Variants in RBFOX1 observed in about 807,000 individuals in gnomAD.
RBFOX1 encodes the protein RNA binding protein fox-1 homolog 1.
A neutral mutation model predicts 57.7 loss-of-function variants in RBFOX1; 8 were observed. The observed-to-expected ratio is 0.14, with a 90% confidence interval of 0.08 to 0.25. RBFOX1 has a LOEUF of 0.25. Ranked by LOEUF, RBFOX1 falls within the 10% of genes least tolerant of loss-of-function variation. The pLI, the probability that RBFOX1 is intolerant of heterozygous loss-of-function variation, is 1.00. For missense variants in RBFOX1, 611 were observed against 548.5 expected, an observed-to-expected ratio of 1.11 and a Z score of -1.14; for synonymous variants, 326 against 222.4, an observed-to-expected ratio of 1.47 and a Z score of -4.15.
rs1372740838 is a variant in RBFOX1, at chr16:6,210,298, C to T, written c.-126-106697C>T. Among the ~76,000 whole-genome samples the T allele has an allele frequency of 3.0e-5, 3 of 100,654 alleles. No homozygotes were observed. In the Admixed American group the frequency reaches 4.6e-4, roughly 15 times the overall value. The allele number at this position is 100,654 out of a possible 152,430, so 66.0% of individuals were successfully genotyped here. ...ACGCATTGCATTCCGGCCTGGGTGA[C>T]AAGAGTGCAATTCTGTCTGAAAAAA... On this transcript the variant is annotated intron_variant, in intron 1 of 15. Transcript: ENST00000550418.
chr16:5,397,386 G>A (rs2066589627), intron 1 of RBFOX1, among the ~76,000 whole-genome samples: 1 of 152,164 alleles, frequency 6.6e-6, no homozygotes, highest in South Asian at 2.1e-4. Context: ...AACAGGATCA[G>A]GCAGCCACCT....
rs116960811 is a variant in RBFOX1, at chr16:6,065,529, A to G, written c.-127+45537A>G. ...CAGTCCTCTGTCTGTTTCATTCCTA[A>G]TTAATTACTTTGACATGCCCGTAAC... On this transcript the variant is annotated intron_variant, in intron 1 of 15. Transcript: ENST00000550418. Among the ~76,000 whole-genome samples, 185 of 152,240 alleles carry G rather than the reference A, an allele frequency of 1.2e-3. 3 individuals are homozygous for G. In the East Asian group the frequency reaches 0.031, roughly 26 times the overall value.
intron 4 of RBFOX1, among the ~76,000 whole-genome samples, chr16:7,468,699 GGTT>G (rs1254456715): frequency 6.6e-6 from 1 of 152,118 alleles, no homozygotes; most frequent in Non-Finnish European, 1.5e-5. Flanking sequence ...TCTGAAGATA[GGTT>G]GTTTAAACTG....
chr16:7,275,963 T>A (rs1407563099), intron 4 of RBFOX1, among the ~76,000 whole-genome samples: 1 of 152,178 alleles, frequency 6.6e-6, no homozygotes, highest in Non-Finnish European at 1.5e-5. Context: ...CACCACGAAG[T>A]GTGTCATCAT....
At chr16:7,537,711 T>C (rs2081869930) in intron 5 of RBFOX1, among the ~76,000 whole-genome samples, 1 of 152,158 alleles carries the variant, frequency 6.6e-6, no homozygotes, top group Non-Finnish European at 1.5e-5. Context: ...CCCTTATGCT[T>C]GGGTCCATCT....
rs1373195665 is a variant in RBFOX1, at chr16:6,077,225, C to T, written c.-127+57233C>T. Among the ~76,000 whole-genome samples the T allele has an allele frequency of 5.9e-5, 9 of 152,260 alleles. No individual in the cohort carries two copies. The East Asian group carries it at 1.2e-3, about 20-fold the overall frequency. ...AGCCCCTGCCACGGTTCTCTGCTGA[C>T]ATTTCAGAGATGGGCAGACACCATG... On this transcript the variant is annotated intron_variant, in intron 1 of 15. Transcript: ENST00000550418.
intron 1 of RBFOX1, among the ~76,000 whole-genome samples, chr16:5,339,447 A>G (rs904687662): frequency 2.2e-5 from 3 of 135,382 alleles, no homozygotes; most frequent in African/African-American, 8.0e-5. Context: ...ATTTTGCCAA[A>G]AGCTAGAAGC....
intron 2 of RBFOX1, among the ~76,000 whole-genome samples, chr16:6,488,247 C>G (rs554667667): frequency 3.3e-5 from 5 of 152,148 alleles, no homozygotes; most frequent in Non-Finnish European, 7.4e-5. Context: ...TAGTTGTAGT[C>G]TCTAGTTGTG....
intron 4 of RBFOX1, among the ~76,000 whole-genome samples, chr16:7,245,911 C>T (rs2094278239): frequency 1.3e-5 from 2 of 152,102 alleles, no homozygotes; most frequent in Admixed American, 6.5e-5. Context: ...TTCAATTCTC[C>T]CAGCCCATAG....
chr16:6,882,709 T>C (rs1263032593), intron 3 of RBFOX1, among the ~76,000 whole-genome samples: 1 of 152,094 alleles, frequency 6.6e-6, no homozygotes, highest in African/African-American at 2.4e-5. Context: ...GTTTGGGATA[T>C]TTGGAGTCTG....
chr16:7,419,613 T>A (rs1178423300), intron 4 of RBFOX1, among the ~76,000 whole-genome samples: 1 of 152,236 alleles, frequency 6.6e-6, no homozygotes. Context: ...CAGGGCCCCC[T>A]GCCCTTTCCC....
chr16:6,642,595 C>T (rs929600), intron 2 of RBFOX1, among the ~76,000 whole-genome samples: 84,661 of 151,156 alleles, frequency 0.56, 25,014 homozygotes, highest in South Asian at 0.81. Context: ...TAACCACACT[C>T]CAAAAAAAAA....
At chr16:5,528,441 A>G (rs1441449364) in intron 2 of RBFOX1, among the ~76,000 whole-genome samples, 2 of 152,162 alleles carry the variant, frequency 1.3e-5, no homozygotes, top group African/African-American at 4.8e-5. Context: ...ATCTGAGCAC[A>G]GAGCAGACCA....
intron 1 of RBFOX1, among the ~76,000 whole-genome samples, chr16:5,439,526 C>G (rs547302473): frequency 6.6e-6 from 1 of 152,048 alleles, no homozygotes; most frequent in South Asian, 2.1e-4. Context: ...TGATAGGTAT[C>G]TCGTAGGTAG....
chr16:7,060,763 G>A (rs1047007617), intron 4 of RBFOX1, among the ~76,000 whole-genome samples: 3 of 152,130 alleles, frequency 2.0e-5, no homozygotes, highest in African/African-American at 7.2e-5. Context: ...GCAAATTGTT[G>A]TTCGGCTGTT....
chr16:6,526,316 C>G (rs1284989583), intron 2 of RBFOX1, among the ~76,000 whole-genome samples: 1 of 152,144 alleles, frequency 6.6e-6, no homozygotes, highest in Non-Finnish European at 1.5e-5. Flanking sequence ...TTGTCTTTTG[C>G]TACATGGGAG....
intron 1 of RBFOX1, among the ~76,000 whole-genome samples, chr16:5,376,456 G>C (rs2065986002): frequency 6.6e-6 from 1 of 152,130 alleles, no homozygotes; most frequent in South Asian, 2.1e-4. Context: ...TGGGGACCCT[G>C]CTCACTAAGG....
intron 2 of RBFOX1, among the ~76,000 whole-genome samples, chr16:6,463,315 A>T (rs1322055542): frequency 6.6e-6 from 1 of 152,208 alleles, no homozygotes; most frequent in Non-Finnish European, 1.5e-5. Context: ...ACTCACACAG[A>T]TCACAATTTC....
intron 1 of RBFOX1, among the ~76,000 whole-genome samples, chr16:5,393,787 G>T (rs932714219): frequency 1.3e-5 from 2 of 152,104 alleles, no homozygotes; most frequent in Non-Finnish European, 2.9e-5. Context: ...GTTATTCACA[G>T]TGCTGTCCAA....
Sources: allele counts gnomAD v4.1 joint callset (sites outside exome capture counted in the v4.1 genomes callset), GRCh38; gene constraint gnomAD v4.1.1; transcripts MANE v1.5; gene names NCBI Gene and HGNC (gene_info 2026-07-23, HGNC 2026-07-21).